Variants in ANKRD39 observed in about 807,000 individuals in gnomAD.
The protein encoded by ANKRD39 is ankyrin repeat domain-containing protein 39.
In ANKRD39, 18 loss-of-function variants were observed where a neutral mutation model predicts 20.3. That is an observed-to-expected ratio of 0.89 (90% CI 0.61 to 1.32). The LOEUF (loss-of-function observed/expected upper bound fraction) is 1.32, where lower values mean the gene tolerates loss of function less well. Ranked by LOEUF, ANKRD39 falls within the 40% of genes most tolerant of loss-of-function variation. ANKRD39 has a pLI of 0.00. For synonymous variants in ANKRD39, 106 were observed against 111.9 expected (o/e 0.95, Z 0.33); for missense variants, 243 against 250.7 (o/e 0.97, Z 0.21).
intron 1 of ANKRD39, among the ~76,000 whole-genome samples, chr2:96,855,053 G>T (rs1159089890): frequency 6.6e-6 from 1 of 152,252 alleles, no homozygotes; most frequent in East Asian, 1.9e-4. Context: ...GCAATCTGCT[G>T]CCCTAAGAGA....
chr2:96,854,312 T>C, intron 2 of ANKRD39, 26 bp downstream of exon 2: 1 of 1,609,330 alleles, frequency 6.2e-7, no homozygotes, highest in Non-Finnish European at 8.5e-7. Context: ...TTCTGTCTCC[T>C]GACCCTGTGC....
chr2:96,857,149 G>C (rs1465420421), intron 1 of ANKRD39, among the ~76,000 whole-genome samples: 1 of 152,192 alleles, frequency 6.6e-6, no homozygotes, highest in African/African-American at 2.4e-5. Context: ...AGAGGACAGC[G>C]GTAGGAGGGG....
chr2:96,857,578 T>C (rs1351067595), intron 1 of ANKRD39, among the ~76,000 whole-genome samples: 1 of 152,226 alleles, frequency 6.6e-6, no homozygotes, highest in African/African-American at 2.4e-5. Context: ...CCCCGGGCCC[T>C]CTCTCAAACA....
At chr2:96,856,089 T>C (rs892189505) in intron 1 of ANKRD39, among the ~76,000 whole-genome samples, 1 of 152,238 alleles carries the variant, frequency 6.6e-6, no homozygotes, top group Non-Finnish European at 1.5e-5. Context: ...AAAACTGGCT[T>C]ATCAAATACA....
Position 96,854,443 on chromosome 2 carries a change from T to C in ANKRD39, c.101-2A>G. 6.2e-7 allele frequency: 1 copy of C among 1,614,114 alleles called. No homozygotes were observed. The highest frequency in any genetic ancestry group is 8.5e-7 in the Non-Finnish European group (1 of 1,179,966). On this transcript the variant is annotated splice_acceptor_variant, in intron 1 of 3. Coordinates refer to ENST00000393537, the MANE Select transcript of ANKRD39 (RefSeq NM_016466.6). LOFTEE classifies it high-confidence loss of function. ...CATTCAGGGCTGCCGACCAGATTCC[T>C]GCAGAAAGGCAACCAAAGGACTGAA... is the stretch of plus-strand genomic sequence containing the variant.
intron 1 of ANKRD39, among the ~76,000 whole-genome samples, chr2:96,856,127 T>A (rs960369918): frequency 2.6e-5 from 4 of 152,238 alleles, no homozygotes; most frequent in Admixed American, 6.5e-5. Flanking sequence ...TTAAAGAATG[T>A]ATTTGTTTGC....
At chr2:96,850,592 G>A (rs964542763) in intron 3 of ANKRD39, among the ~76,000 whole-genome samples, 1 of 151,964 alleles carries the variant, frequency 6.6e-6, no homozygotes, top group Non-Finnish European at 1.5e-5. Flanking sequence ...CTGAACCCAG[G>A]AGGCAGAGGT....
At chr2:96,852,437 G>T (rs1377473203) in intron 3 of ANKRD39, among the ~76,000 whole-genome samples, 1 of 143,752 alleles carries the variant, frequency 7.0e-6, no homozygotes, top group African/African-American at 2.6e-5. Context: ...TATTAGTAGG[G>T]CCTCTGAGTG....
At position 96,849,598 on chromosome 2, in the gene ANKRD39, C is replaced by T. The variant is rs530730408; in HGVS notation, c.409-1154G>A. On this transcript the variant is annotated intron_variant, in intron 3 of 3. Coordinates refer to ENST00000393537, the MANE Select transcript of ANKRD39 (RefSeq NM_016466.6). ...CTGGGAGGCAGAGGTTGCAGTGAGC[C>T]GAGATCGCGCCACTGCACTCCAGCC... 7.2e-5 allele frequency among the ~76,000 whole-genome samples: 11 copies of T among 152,052 alleles called. No individual in the cohort carries two copies. The South Asian group carries it at 1.2e-3, about 17-fold the overall frequency.
chr2:96,853,058 A>C (rs562094932), intron 3 of ANKRD39, among the ~76,000 whole-genome samples: 3 of 152,222 alleles, frequency 2.0e-5, no homozygotes, highest in Admixed American at 6.5e-5. Context: ...TTCCAGCTAG[A>C]AAGAGTTTAA....
chr2:96,848,434 C>G lies in ANKRD39; in HGVS notation c.419G>C (p.Arg140Thr), dbSNP rs2079820944. Residue 140 changes from arginine to threonine, a missense_variant, in exon 4 of 4, where the codon AGG (arginine) becomes ACG (threonine). Arg to Thr is a moderately conservative substitution (Grantham distance 71, BLOSUM62 -1). Transcript: ENST00000393537. ...GAGGGAGCAGATGTCCCCGTGACCC[C>G]TCTCAGCAGCCTGTGGAGAGAAAGG... is the stretch of plus-strand genomic sequence containing the variant. ...GMTSLHKAAE[R>T]GHGDICSLLL... The G allele has an allele frequency of 6.2e-7, 1 of 1,614,096 alleles. No individual in the cohort carries two copies.
At chr2:96,856,808 T>G (rs990105141) in intron 1 of ANKRD39, among the ~76,000 whole-genome samples, 39 of 152,154 alleles carry the variant, frequency 2.6e-4, no homozygotes, top group African/African-American at 9.2e-4. Context: ...ATCAGCTAGC[T>G]TAACGGTTGT....
chr2:96,855,179 T>C (rs1034676169), intron 1 of ANKRD39, among the ~76,000 whole-genome samples: 1 of 152,194 alleles, frequency 6.6e-6, no homozygotes, highest in South Asian at 2.1e-4. Context: ...TGAGCCATTA[T>C]TGCACAATCC....
rs2079820517 is a variant in ANKRD39, at chr2:96,848,385, C to T, written c.468G>A (p.Leu156=). 1.9e-6 allele frequency: 3 copies of T among 1,614,192 alleles called. No homozygotes were observed. Among genetic ancestry groups the T allele is most frequent in the Non-Finnish European group, 1.7e-6 (2 of 1,180,038 alleles). The part of the protein sequence containing the change: ...CSLLLQHSPA[L]KAIRDRKARL... ...GTGCCTTTCGGTCCCGGATGGCCTT[C>T]AGGGCTGGGCTGTGTTGCAGGAGGA... Residue 156 remains leucine, a synonymous_variant, in exon 4 of 4, where the codon CTG becomes CTA. Coordinates refer to ENST00000393537, the MANE Select transcript of ANKRD39 (RefSeq NM_016466.6).
chr2:96,853,623 G>A lies in ANKRD39; in HGVS notation c.205-19C>T, dbSNP rs1237548042. 9 of 1,608,968 alleles carry A rather than the reference G, an allele frequency of 5.6e-6. No individual in the cohort carries two copies. The highest frequency in any genetic ancestry group is 2.2e-5 in the East Asian group (1 of 44,740). The stretch of plus-strand genomic sequence containing the variant: ...CATAGTGCTGCAGGGAACAGAGACC[G>A]AGGTCAGATGGGAGAAGCCAGGCAG... On this transcript the variant is annotated intron_variant, in intron 2 of 3. Transcript: ENST00000393537.
At chr2:96,850,206 G>T (rs6576988) in intron 3 of ANKRD39, among the ~76,000 whole-genome samples, 12,153 of 152,164 alleles carry the variant, frequency 0.08, 1,542 homozygotes, top group African/African-American at 0.28. Flanking sequence ...ATCCCAAATT[G>T]GAATCCAAAT....
chr2:96,857,736 G>C, intron 1 of ANKRD39, 152 bp downstream of exon 1: 1 of 810,182 alleles, frequency 1.2e-6, no homozygotes, highest in Non-Finnish European at 1.9e-6. Context: ...TCAGTACACG[G>C]GAACCGTGGG....
At chr2:96,849,236 T>G (rs1280200015) in intron 3 of ANKRD39, among the ~76,000 whole-genome samples, 7 of 152,142 alleles carry the variant, frequency 4.6e-5, no homozygotes. Context: ...CACTGCAGTC[T>G]GCAATTCCTG....
At chr2:96,849,557 C>T (rs576982236) in intron 3 of ANKRD39, among the ~76,000 whole-genome samples, 5 of 151,858 alleles carry the variant, frequency 3.3e-5, no homozygotes, top group African/African-American at 7.3e-5. Context: ...GGCTGAGGCA[C>T]GAGAATCGCT....
Sources: gnomAD v4.1 joint callset for allele counts (sites outside exome capture counted in the v4.1 genomes callset) on GRCh38, gnomAD v4.1.1 for gene constraint, MANE v1.5 for transcripts, NCBI Gene and HGNC (gene_info 2026-07-23, HGNC 2026-07-21) for gene names.